Variants in SAMMSON observed in about 807,000 individuals in gnomAD.
The protein encoded by SAMMSON is survival associated mitochondrial melanoma specific oncogenic non-coding RNA, also known as long intergenic non-protein coding RNA 1212.
chr3:70,162,174 C>G (rs1464183522), intron 4 of SAMMSON, among the ~76,000 whole-genome samples: 1 of 151,692 alleles, frequency 6.6e-6, no homozygotes, highest in Non-Finnish European at 1.5e-5. Flanking sequence ...TTTCTTTTGA[C>G]TGCCTTGGGC....
intron 3 of SAMMSON, among the ~76,000 whole-genome samples, chr3:70,036,694 A>T (rs1202148535): frequency 6.6e-6 from 1 of 152,150 alleles, no homozygotes; most frequent in African/African-American, 2.4e-5. Context: ...CAAAGCCAGG[A>T]TGAGTCAAAT....
At chr3:70,125,431 C>A (rs1361232810) in intron 4 of SAMMSON, 15 of 1,043,476 alleles carry the variant, frequency 1.4e-5, no homozygotes, top group Non-Finnish European at 2.1e-5. Context: ...AAATTCTGTC[C>A]TTTTCCAATT....
chr3:70,144,912 CGG>C (rs1211199251), intron 4 of SAMMSON, among the ~76,000 whole-genome samples: 1 of 152,096 alleles, frequency 6.6e-6, no homozygotes, highest in Non-Finnish European at 1.5e-5. Flanking sequence ...TGCCCAATCT[CGG>C]GTATGTCTTT....
At chr3:70,027,567 C>CGA in intron 3 of SAMMSON, among the ~76,000 whole-genome samples, 1 of 152,156 alleles carries the variant, frequency 6.6e-6, no homozygotes, top group South Asian at 2.1e-4. Context: ...TTTACTAAAT[C>CGA]GAGCAAGTTG....
chr3:70,279,013 T>A (rs1702055439), intron 6 of SAMMSON, among the ~76,000 whole-genome samples: 1 of 151,354 alleles, frequency 6.6e-6, no homozygotes, highest in African/African-American at 2.4e-5. Flanking sequence ...TATATGTAGA[T>A]GCCTATCAGT....
At chr3:70,421,676 T>C (rs1387471770) in intron 2 of SAMMSON, among the ~76,000 whole-genome samples, 3 of 152,150 alleles carry the variant, frequency 2.0e-5, no homozygotes, top group Non-Finnish European at 4.4e-5. Context: ...ACAGTAGGAA[T>C]AAGAAGCGCT....
chr3:70,189,882 G>A (rs1701118857), intron 4 of SAMMSON, among the ~76,000 whole-genome samples: 1 of 152,156 alleles, frequency 6.6e-6, no homozygotes, highest in Non-Finnish European at 1.5e-5. Context: ...ACTTGCTGCA[G>A]CTCCAGCTTT....
intron 4 of SAMMSON, among the ~76,000 whole-genome samples, chr3:70,078,410 C>G (rs1324641320): frequency 6.6e-6 from 1 of 152,050 alleles, no homozygotes; most frequent in Non-Finnish European, 1.5e-5. Flanking sequence ...CACTAAGTCT[C>G]TGGGTGTGGA....
chr3:70,344,774 C>A (rs1388226134), intron 7 of SAMMSON, among the ~76,000 whole-genome samples: 1 of 152,156 alleles, frequency 6.6e-6, no homozygotes, highest in Non-Finnish European at 1.5e-5. Context: ...AACAGAGGAG[C>A]CACACCCCTG....
intron 6 of SAMMSON, chr3:70,291,031 A>G (rs1249448377): frequency 6.5e-6 from 1 of 153,138 alleles, no homozygotes; most frequent in African/African-American, 2.4e-5. Flanking sequence ...TGCTTCGCTC[A>G]CGCTGGGAGC....
chr3:70,013,497 G>T (rs9869406), intron 2 of SAMMSON: 1 of 151,976 alleles, frequency 6.6e-6, no homozygotes, highest in Non-Finnish European at 1.5e-5. Flanking sequence ...CTTTCATTCC[G>T]CTTCTCCTTC....
intron 7 of SAMMSON, among the ~76,000 whole-genome samples, chr3:70,337,078 AATATT>A (rs1559566736): frequency 1.1e-4 from 9 of 81,092 alleles, no homozygotes; most frequent in African/African-American, 3.1e-4. Flanking sequence ...TATCTAACTT[AATATT>A]CTTATTAATA....
At chr3:70,335,025 T>A (rs551380323) in intron 7 of SAMMSON, among the ~76,000 whole-genome samples, 2 of 150,454 alleles carry the variant, frequency 1.3e-5, no homozygotes, top group Non-Finnish European at 3.0e-5. Context: ...GTCCTGGAAT[T>A]TCATCGCAAC....
chr3:70,079,964 C>T lies in SAMMSON; in HGVS notation n.507+8399C>T, dbSNP rs2067262171. ...TATGGGTGGCACAAAAGCCCAGCTC[C>T]TTTGAACTATTCTGTCATGCAATTT... is the stretch of plus-strand genomic sequence containing the variant. On this transcript the variant is annotated intron_variant and non_coding_transcript_variant, in intron 4 of 9. Coordinates refer to ENST00000642114, the Ensembl canonical transcript of SAMMSON. Among the ~76,000 whole-genome samples, 3 of 152,204 alleles carry T rather than the reference C, an allele frequency of 2.0e-5. No homozygotes were observed. In the South Asian group the frequency reaches 6.2e-4, roughly 32 times the overall value.
chr3:70,431,168 G>T lies in SAMMSON; in HGVS notation n.234-31392G>T, dbSNP rs188614213. ...TGGAGGCCTCAGAAAAGCTCAAAAT[G>T]CTTTCAACTTTGAAGAAATATCACT... On this transcript the variant is annotated intron_variant and non_coding_transcript_variant, in intron 2 of 3. Coordinates refer to the SAMMSON transcript ENST00000641053. Among the ~76,000 whole-genome samples the T allele has an allele frequency of 2.0e-3, 306 of 152,160 alleles. 2 individuals carry two copies. Among genetic ancestry groups the T allele is most frequent in the Middle Eastern group, 0.01 (3 of 294 alleles).
intron 4 of SAMMSON, among the ~76,000 whole-genome samples, chr3:70,119,386 A>G (rs1472108223): frequency 6.6e-6 from 1 of 152,204 alleles, no homozygotes; most frequent in Non-Finnish European, 1.5e-5. Context: ...TATTACATAC[A>G]GTATATTTAC....
chr3:70,247,650 A>G (rs890929792), intron 4 of SAMMSON, among the ~76,000 whole-genome samples: 12 of 151,916 alleles, frequency 7.9e-5, no homozygotes, highest in African/African-American at 2.9e-4. Flanking sequence ...CTAATAGCAC[A>G]AGGTAACTAT....
At chr3:70,369,055 T>A (rs1034684383) in intron 9 of SAMMSON, among the ~76,000 whole-genome samples, 2 of 151,660 alleles carry the variant, frequency 1.3e-5, no homozygotes, top group African/African-American at 4.8e-5. Flanking sequence ...TACACAGACT[T>A]GTATGTATTT....
At chr3:70,374,761 C>T (rs1702998570) in intron 9 of SAMMSON, among the ~76,000 whole-genome samples, 1 of 152,116 alleles carries the variant, frequency 6.6e-6, no homozygotes, top group South Asian at 2.1e-4. Context: ...GAAGTCTAGG[C>T]TTCACAGTTG....
Sources: gnomAD v4.1 joint callset for allele counts (sites outside exome capture counted in the v4.1 genomes callset) on GRCh38, gnomAD v4.1.1 for gene constraint, MANE v1.5 for transcripts, NCBI Gene and HGNC (gene_info 2026-07-23, HGNC 2026-07-21) for gene names.